The following FAM217B variants were observed in gnomAD, a reference collection of about 807,000 sequenced individuals.
The protein encoded by FAM217B is family with sequence similarity 217 member B, also known as protein FAM217B.
For synonymous variants in FAM217B, 163 were observed against 173.0 expected, an observed-to-expected ratio of 0.94 and a Z score of 0.45; for missense variants, 463 against 456.9, an observed-to-expected ratio of 1.01 and a Z score of -0.12.
Position 59,945,264 on chromosome 20 carries a change from G to A in FAM217B, c.*169G>A. ...TACCCTGAGTGGGGTTATTTTCAAA[G>A]GGAAGTGTCTTTCAATAAGCCTTTC... On this transcript the variant is annotated 3_prime_UTR_variant, in exon 4 of 4. Transcript: ENST00000360816. 1 of 593,244 alleles carries A rather than the reference G, an allele frequency of 1.7e-6. No individual in the cohort carries two copies. The highest frequency in any genetic ancestry group is 3.1e-5 in the East Asian group (1 of 32,674). The allele number at this position is 593,244 out of a possible 1,614,324, so 36.7% of individuals were successfully genotyped here. A position where few individuals can be genotyped will look rare whatever the true frequency, so the allele number is the denominator to read the frequency against.
upstream of FAM217B, chr20:59,937,732 A>T (rs1363958857): frequency 6.6e-6 from 1 of 152,372 alleles, no homozygotes; most frequent in Non-Finnish European, 1.5e-5. Flanking sequence ...GCACCAAAAG[A>T]ACTCCTCAGC....
At chr20:59,935,942 TAC>T (rs371661391), upstream of FAM217B, among the ~76,000 whole-genome samples, 315 of 152,318 alleles carry the variant, frequency 2.1e-3, 2 homozygotes, top group African/African-American at 7.5e-3. Flanking sequence ...TTAGGTGAAT[TAC>T]AGTTATGTAT....
chr20:59,936,220 T>A (rs1292009765), upstream of FAM217B, among the ~76,000 whole-genome samples: 3 of 152,216 alleles, frequency 2.0e-5, no homozygotes, highest in Non-Finnish European at 4.4e-5. Context: ...TATAATTCCA[T>A]GGATCCACGT....
chr20:59,943,471 ACTT>A (rs1356504669), intron 3 of FAM217B, among the ~76,000 whole-genome samples: 1 of 152,170 alleles, frequency 6.6e-6, no homozygotes, highest in African/African-American at 2.4e-5. Context: ...AAACTGCAAA[ACTT>A]GCATGTTTAT....
At chr20:59,939,805 G>A (rs1242497805), upstream of FAM217B, 1 of 1,231,796 alleles carries the variant, frequency 8.1e-7, no homozygotes, top group Admixed American at 4.2e-5. Flanking sequence ...CTCCCAGGGG[G>A]CCTACAGGCC....
chr20:59,935,260 A>T (rs1207338253), intron 1 of FAM217B, among the ~76,000 whole-genome samples: 1 of 152,208 alleles, frequency 6.6e-6, no homozygotes, highest in Non-Finnish European at 1.5e-5. Flanking sequence ...CACTTCAAAA[A>T]TTAATAGTGA....
chr20:59,938,737 T>A (rs1314968861), upstream of FAM217B: 2 of 293,412 alleles, frequency 6.8e-6, no homozygotes, highest in Non-Finnish European at 1.3e-5. Context: ...CAAAACAAGC[T>A]GCTTGGGCCT....
At chr20:59,936,319 A>G (rs1304486278), upstream of FAM217B, among the ~76,000 whole-genome samples, 1 of 152,214 alleles carries the variant, frequency 6.6e-6, no homozygotes, top group East Asian at 1.9e-4. Context: ...GCTAAGAAAA[A>G]GGGGATATTG....
At chr20:59,939,185 G>C (rs774675618), upstream of FAM217B, 2 of 1,608,774 alleles carry the variant, frequency 1.2e-6, no homozygotes, top group Non-Finnish European at 1.7e-6. Flanking sequence ...CGCGGGAGCC[G>C]AGCTCCAGCA....
At chr20:59,941,178 G>A (rs538649560) in intron 1 of FAM217B, among the ~76,000 whole-genome samples, 1 of 152,322 alleles carries the variant, frequency 6.6e-6, no homozygotes, top group South Asian at 2.1e-4. Flanking sequence ...AAATGAAGTA[G>A]AAAAGATGCA....
Position 59,947,608 on chromosome 20 carries a change from T to C in FAM217B, c.*2513T>C, listed in dbSNP as rs1430503624. ...TGCATAATCTGGGGAATAGTCATAA[T>C]TTCATGTGTTATACAGTTTAAAAAG... On this transcript the variant is annotated 3_prime_UTR_variant, in exon 4 of 4. Coordinates refer to ENST00000360816, the MANE Select transcript of FAM217B (RefSeq NM_022106.3). 1.2e-5 allele frequency: 2 copies of C among 167,130 alleles called. No homozygotes were observed. Among genetic ancestry groups the C allele is most frequent in the Admixed American group, 6.5e-5 (1 of 15,296 alleles). 10.4% of individuals were successfully genotyped at this position (167,130 alleles called of 1,614,324 possible).
chr20:59,937,279 G>A (rs1052752602), upstream of FAM217B: 2 of 152,644 alleles, frequency 1.3e-5, no homozygotes, highest in African/African-American at 4.8e-5. Context: ...TAACAGGCTT[G>A]CTGACCTAAT....
At chr20:59,943,806 G>A in intron 3 of FAM217B, 134 bp from the exon 4 acceptor site, 6 of 684,856 alleles carry the variant, frequency 8.8e-6, no homozygotes, top group Non-Finnish European at 1.5e-5. Context: ...GAGTTTGGAA[G>A]CTGACATTTT....
chr20:59,944,044 G>A lies in FAM217B; in HGVS notation c.101G>A (p.Arg34Lys). 1.9e-6 allele frequency: 3 copies of A among 1,614,102 alleles called. No homozygotes were observed. Among genetic ancestry groups the A allele is most frequent in the Non-Finnish European group, 2.5e-6 (3 of 1,180,010 alleles). The change falls in exon 4 of 4, where the codon AGA becomes AAA. Residue 34 changes from arginine to lysine, a missense_variant. Arg to Lys is a conservative substitution (Grantham distance 26). Transcript: ENST00000360816. ...SQVPHASSQP[R>K]SSLTAVTQPT... Reference sequence around the variant, plus strand: ...GTACCCCACGCTTCTTCCCAGCCGAGAAGCAGCCTCACAGCTGTCACCCAG... The same window carrying A: ...GTACCCCACGCTTCTTCCCAGCCGAAAAGCAGCCTCACAGCTGTCACCCAG...
chr20:59,941,617 G>A (rs2060905551), intron 1 of FAM217B, among the ~76,000 whole-genome samples: 1 of 152,194 alleles, frequency 6.6e-6, no homozygotes, highest in African/African-American at 2.4e-5. Flanking sequence ...TTCATAAAGA[G>A]ATGATATATA....
At chr20:59,938,765 T>A, upstream of FAM217B, 232 of 236,750 alleles carry the variant, frequency 9.8e-4, no homozygotes, top group Middle Eastern at 1.3e-3. Flanking sequence ...GGGCCCACCC[T>A]CCCATGCACC....
chr20:59,937,380 T>G (rs1473971487), upstream of FAM217B: 1 of 152,662 alleles, frequency 6.6e-6, no homozygotes, highest in Non-Finnish European at 1.5e-5. Context: ...CCAGAGATTG[T>G]GCAATTTAGT....
In FAM217B at chr20:59,944,799, C is replaced by T. The variant is rs769256235; in HGVS notation, c.856C>T (p.Leu286Phe). 11 of 1,614,046 alleles carry T rather than the reference C, an allele frequency of 6.8e-6. No homozygotes were observed. In the African/African-American group the frequency reaches 1.3e-4, roughly 20 times the overall value. The change falls in exon 4 of 4, where the codon CTT becomes TTT. Residue 286 changes from leucine to phenylalanine, a missense_variant. Coordinates refer to ENST00000360816, the MANE Select transcript of FAM217B (RefSeq NM_022106.3). ...GTRFCSQRQT[L>F]EMRTEEKKKK... Reference sequence around the variant, plus strand: ...CAGGTTTTGTTCTCAGAGGCAAACCCTTGAAATGAGGACAGAAGAAAAGAA... The same window carrying T: ...CAGGTTTTGTTCTCAGAGGCAAACCTTTGAAATGAGGACAGAAGAAAAGAA...
intron 1 of FAM217B, among the ~76,000 whole-genome samples, chr20:59,941,656 G>C (rs1470601533): frequency 6.6e-6 from 1 of 152,198 alleles, no homozygotes; most frequent in Non-Finnish European, 1.5e-5. Context: ...TATATGGAAA[G>C]TCTTATAATG....
Sources: allele counts gnomAD v4.1 joint callset (sites outside exome capture counted in the v4.1 genomes callset), GRCh38; gene constraint gnomAD v4.1.1; transcripts MANE v1.5; gene names NCBI Gene and HGNC (gene_info 2026-07-23, HGNC 2026-07-21).